The following ZNF223 variants were observed in gnomAD, a reference collection of about 807,000 sequenced individuals.
ZNF223 encodes Homo sapiens zinc finger protein 223.
A neutral mutation model predicts 12.3 loss-of-function variants in ZNF223; 9 were observed. That is an observed-to-expected ratio of 0.73 (90% CI 0.44 to 1.28). ZNF223 has a LOEUF of 1.28. ZNF223 is among the 50% of genes most tolerant of loss of function. ZNF223 has a pLI of 0.00. For missense variants in ZNF223, 506 were observed against 579.0 expected, an observed-to-expected ratio of 0.87 and a Z score of 1.29; for synonymous variants, 171 against 195.2, an observed-to-expected ratio of 0.88 and a Z score of 1.03.
rs766931224 is a variant in ZNF223, at chr19:44,066,694, A to C, written c.866A>C (p.Lys289Thr). The C allele has an allele frequency of 1.4e-5, 23 of 1,614,102 alleles. No homozygotes were observed. The highest frequency in any genetic ancestry group is 1.8e-5 in the Non-Finnish European group (21 of 1,180,044). The change falls in exon 5 of 5, where the codon AAA (lysine) becomes ACA (threonine). Residue 289 changes from lysine (K) to threonine (T), a missense_variant. Transcript: ENST00000434772. ...ATTCACACAGGGGAGAAGCCATTCAAATGTGAGATATGTAGTGTGAGCTTC... is the reference window on the plus strand; with the variant it reads ...ATTCACACAGGGGAGAAGCCATTCACATGTGAGATATGTAGTGTGAGCTTC... ...QRIHTGEKPF[K>T]CEICSVSFRL...
chr19:44,059,844 C>T (rs952945444), intron 2 of ZNF223, among the ~76,000 whole-genome samples: 75 of 152,312 alleles, frequency 4.9e-4, no homozygotes, highest in African/African-American at 1.7e-3. Context: ...CAGAAGGACC[C>T]TGGTGACCCC....
Position 44,067,096 on chromosome 19 carries a change from G to A in ZNF223, c.1268G>A (p.Cys423Tyr). 6.2e-7 allele frequency: 1 copy of A among 1,613,274 alleles called. No individual in the cohort carries two copies. Among genetic ancestry groups the A allele is most frequent in the East Asian group, 2.2e-5 (1 of 44,864 alleles). The change falls in exon 5 of 5, where the codon TGC (cysteine) becomes TAC (tyrosine). Residue 423 changes from cysteine (C) to tyrosine (Y), a missense_variant. Cys to Tyr is a radical substitution (Grantham distance 194). Coordinates refer to ENST00000434772, the MANE Select transcript of ZNF223 (RefSeq NM_013361.6). ...ATTTTGAATCATAAGAGACTCCATT[G>A]CCGAAAAAAACCATTCAAATGTGAG... ...SSILNHKRLH[C>Y]RKKPFKCEDC... is the part of the protein sequence containing the mutation.
intron 4 of ZNF223, 163 bp downstream of exon 4, chr19:44,061,004 A>G (rs930880306): frequency 4.7e-6 from 3 of 643,448 alleles, no homozygotes; most frequent in African/African-American, 3.7e-5. Context: ...CCACTCTGAC[A>G]TCTGTTCTCC....
intron 2 of ZNF223, among the ~76,000 whole-genome samples, chr19:44,059,378 GC>G (rs1405628991): frequency 6.6e-6 from 1 of 152,186 alleles, no homozygotes; most frequent in East Asian, 1.9e-4. Context: ...TGTGGCAGGT[GC>G]CAGGTTCTGA....
At chr19:44,056,346 T>C (rs1209565137) in intron 2 of ZNF223, among the ~76,000 whole-genome samples, 1 of 124,330 alleles carries the variant, frequency 8.0e-6, no homozygotes, top group Non-Finnish European at 1.7e-5. Context: ...TGAAACCCCG[T>C]CTGTACTAAA....
chr19:44,060,965 T>C, intron 4 of ZNF223, 124 bp downstream of exon 4: 2 of 994,408 alleles, frequency 2.0e-6, no homozygotes, highest in Admixed American at 4.4e-5. Flanking sequence ...ATAACCTCCT[T>C]CCAGCTAGTG....
chr19:44,054,977 C>T, intron 1 of ZNF223, 132 bp from the exon 2 acceptor site: 1 of 479,760 alleles, frequency 2.1e-6, no homozygotes, highest in Non-Finnish European at 3.7e-6. Context: ...TGGTTGTGTG[C>T]AATTTGGGGT....
At position 44,066,159 on chromosome 19, in the gene ZNF223, T is replaced by A. The variant is rs1180685972; in HGVS notation, c.331T>A (p.Leu111Ile). 6.2e-7 allele frequency: 1 copy of A among 1,614,024 alleles called. No homozygotes were observed. Among genetic ancestry groups the A allele is most frequent in the African/African-American group, 1.3e-5 (1 of 74,900 alleles). The change falls in exon 5 of 5, where the codon TTA (leucine) becomes ATA (isoleucine). Residue 111 changes from leucine to isoleucine, a missense_variant. By Grantham distance (5) the Leu-to-Ile change is conservative (BLOSUM62 2). Transcript: ENST00000434772. ...QQIWEEIASD[L>I]TRPQDSTIKS... ...GATCTGGGAAGAAATTGCAAGTGAT[T>A]TAACCAGGCCTCAAGACTCTACCAT...
intron 1 of ZNF223, 107 bp from the exon 2 acceptor site, chr19:44,055,002 C>T: frequency 1.8e-6 from 1 of 544,194 alleles, no homozygotes; most frequent in Non-Finnish European, 3.3e-6. Context: ...ATGAATAATG[C>T]TGCTGTGAGC....
intron 4 of ZNF223, among the ~76,000 whole-genome samples, chr19:44,065,455 G>C (rs1032091374): frequency 6.6e-6 from 1 of 151,974 alleles, no homozygotes; most frequent in Non-Finnish European, 1.5e-5. Context: ...ATTTCAGACT[G>C]AGTTGGAAAT....
chr19:44,062,188 T>C (rs1427899186), intron 4 of ZNF223, among the ~76,000 whole-genome samples: 1 of 152,174 alleles, frequency 6.6e-6, no homozygotes, highest in African/African-American at 2.4e-5. Context: ...TGAAATATAT[T>C]AGTCCCTTGG....
At chr19:44,061,180 C>T (rs928084442) in intron 4 of ZNF223, among the ~76,000 whole-genome samples, 2 of 152,208 alleles carry the variant, frequency 1.3e-5, no homozygotes, top group Non-Finnish European at 2.9e-5. Flanking sequence ...ATCTCCCATA[C>T]TCTCCCTCAT....
intron 1 of ZNF223, among the ~76,000 whole-genome samples, chr19:44,053,611 C>T (rs553825671): frequency 6.6e-6 from 1 of 152,278 alleles, no homozygotes; most frequent in East Asian, 1.9e-4. Context: ...AGACAGATGC[C>T]TTCCTCTTAC....
Position 44,066,676 on chromosome 19 carries a change from CAG to C in ZNF223, c.849_850del (p.Lys286AlafsTer5), listed in dbSNP as rs568496344. On this transcript the variant is annotated frameshift_variant, in exon 5 of 5. Coordinates refer to ENST00000434772, the MANE Select transcript of ZNF223 (RefSeq NM_013361.6). LOFTEE classifies it low-confidence loss of function (END_TRUNC). ...CTTCAGAAACATCAGAGAATTCACACAGGGGAGAAGCCATTCAAATGTGAGAT... is the reference window on the plus strand; with the variant it reads ...CTTCAGAAACATCAGAGAATTCACACGGGAGAAGCCATTCAAATGTGAGAT... 2.2e-4 allele frequency: 356 copies of C among 1,614,178 alleles called. 2 individuals carry two copies. The East Asian group carries it at 7.6e-3, about 34-fold the overall frequency.
chr19:44,060,420 A>G (rs1278049959), intron 2 of ZNF223, 35 bp from the exon 3 acceptor site: 3 of 1,611,876 alleles, frequency 1.9e-6, no homozygotes, highest in East Asian at 2.2e-5. Context: ...AACCATTGGT[A>G]GTGAGATTGA....
In ZNF223 at chr19:44,067,201, G is replaced by T. The variant is rs770184261; in HGVS notation, c.1373G>T (p.Cys458Phe). The change falls in exon 5 of 5, where the codon TGT (cysteine) becomes TTT (phenylalanine). Residue 458 changes from cysteine (C) to phenylalanine (F), a missense_variant. Transcript: ENST00000434772. The part of the protein sequence containing the change: ...KNHSGENPSK[C>F]EDCGKRYKRR... Reference sequence around the variant, plus strand: ...CACAGTGGAGAAAATCCATCCAAATGTGAAGACTGTGGGAAGCGCTACAAG... The same window carrying T: ...CACAGTGGAGAAAATCCATCCAAATTTGAAGACTGTGGGAAGCGCTACAAG... 1 of 1,610,698 alleles carries T rather than the reference G, an allele frequency of 6.2e-7. No individual in the cohort carries two copies. The highest frequency in any genetic ancestry group is 1.1e-5 in the South Asian group (1 of 90,002).
intron 2 of ZNF223, among the ~76,000 whole-genome samples, chr19:44,058,423 CA>C (rs1976796711): frequency 6.6e-6 from 1 of 152,206 alleles, no homozygotes. Context: ...CCGTGGACCC[CA>C]GAGGAGCATG....
intron 2 of ZNF223, among the ~76,000 whole-genome samples, chr19:44,055,760 A>T (rs1206750614): frequency 1.3e-5 from 2 of 151,848 alleles, no homozygotes; most frequent in Non-Finnish European, 2.9e-5. Flanking sequence ...CAAGAGTGAA[A>T]CTCTGTCTCA....
chr19:44,053,701 C>T (rs920757136), intron 1 of ZNF223, among the ~76,000 whole-genome samples: 4 of 152,134 alleles, frequency 2.6e-5, no homozygotes, highest in Non-Finnish European at 5.9e-5. Flanking sequence ...GGGGGACGGT[C>T]AGGTCTTTCC....
Sources: allele counts gnomAD v4.1 joint callset (sites outside exome capture counted in the v4.1 genomes callset), GRCh38; gene constraint gnomAD v4.1.1; transcripts MANE v1.5; gene names NCBI Gene and HGNC (gene_info 2026-07-23, HGNC 2026-07-21).